The following TMTC2 variants were observed in gnomAD, a reference collection of about 807,000 sequenced individuals.
The protein encoded by TMTC2 is protein O-mannosyl-transferase TMTC2.
Under a neutral mutation model 82.4 loss-of-function variants are expected in TMTC2, and 43 were observed. The ratio of observed to expected loss-of-function variants is 0.52; its 90% CI spans 0.41 to 0.67. The LOEUF is 0.67. Ranked by LOEUF, TMTC2 falls within the 30% of genes least tolerant of loss-of-function variation. The pLI is 0.00. For synonymous variants in TMTC2, 408 were observed against 381.9 expected (o/e 1.07, Z -0.80); for missense variants, 919 against 1,012.4 (o/e 0.91, Z 1.25).
intron 1 of TMTC2, among the ~76,000 whole-genome samples, chr12:82,807,438 C>G (rs1879297702): frequency 6.6e-6 from 1 of 152,050 alleles, no homozygotes; most frequent in African/African-American, 2.4e-5. Flanking sequence ...TTTTCATATC[C>G]TGTGTGAGTG....
intron 1 of TMTC2, among the ~76,000 whole-genome samples, chr12:82,765,848 A>G (rs1876929597): frequency 6.6e-6 from 1 of 152,196 alleles, no homozygotes; most frequent in Admixed American, 6.5e-5. Flanking sequence ...TATGTATTAA[A>G]AGATAATACT....
intron 1 of TMTC2, among the ~76,000 whole-genome samples, chr12:82,725,736 G>A (rs911061241): frequency 1.3e-5 from 2 of 152,176 alleles, no homozygotes; most frequent in East Asian, 3.9e-4. Flanking sequence ...ACATGGGACA[G>A]TTCGAAACCA....
At chr12:83,006,130 A>C (rs911498345) in intron 8 of TMTC2, among the ~76,000 whole-genome samples, 3 of 152,118 alleles carry the variant, frequency 2.0e-5, no homozygotes, top group African/African-American at 4.8e-5. Context: ...GTTTCTCTAC[A>C]GGTTCCTCAC....
In TMTC2 at chr12:83,132,440, A is replaced by G. The variant is rs1160718409; in HGVS notation, c.*51A>G. Reference sequence around the variant, plus strand: ...TCCATTTTTAAAAGCTGGCTTCCTTAGCAGACAGAACTTCCCAGCAGTGCT... The same window carrying G: ...TCCATTTTTAAAAGCTGGCTTCCTTGGCAGACAGAACTTCCCAGCAGTGCT... On this transcript the variant is annotated 3_prime_UTR_variant, in exon 12 of 12. Coordinates refer to ENST00000321196, the MANE Select transcript of TMTC2 (RefSeq NM_152588.3). 2 of 1,600,364 alleles carry G rather than the reference A, an allele frequency of 1.2e-6. No individual in the cohort carries two copies. The highest frequency in any genetic ancestry group is 4.0e-4 in the Middle Eastern group (2 of 5,046).
chr12:82,831,419 C>T (rs1869739888), intron 1 of TMTC2, among the ~76,000 whole-genome samples: 1 of 152,166 alleles, frequency 6.6e-6, no homozygotes, highest in Non-Finnish European at 1.5e-5. Context: ...CAAAAGAGTA[C>T]ATTATGTCTC....
chr12:82,872,216 G>A (rs1219522556), intron 2 of TMTC2, among the ~76,000 whole-genome samples: 1 of 152,134 alleles, frequency 6.6e-6, no homozygotes, highest in Non-Finnish European at 1.5e-5. Flanking sequence ...AGGGAAATGG[G>A]CATTGAGATC....
At chr12:82,730,130 A>G (rs886654028) in intron 1 of TMTC2, among the ~76,000 whole-genome samples, 3 of 151,998 alleles carry the variant, frequency 2.0e-5, no homozygotes, top group Non-Finnish European at 4.4e-5. Flanking sequence ...GAAGTCAGTG[A>G]GACCAAGAAC....
chr12:82,785,071 T>C (rs965419160), intron 1 of TMTC2, among the ~76,000 whole-genome samples: 1 of 152,120 alleles, frequency 6.6e-6, no homozygotes, highest in Non-Finnish European at 1.5e-5. Context: ...TTTTTGCTTC[T>C]CTTAAAGATG....
At chr12:83,050,220 CT>C (rs1471672793) in intron 9 of TMTC2, among the ~76,000 whole-genome samples, 1 of 152,088 alleles carries the variant, frequency 6.6e-6, no homozygotes, top group African/African-American at 2.4e-5. Context: ...ACTGTTCAAT[CT>C]CAATTAAAAA....
intron 8 of TMTC2, among the ~76,000 whole-genome samples, chr12:82,990,051 T>C (rs1365454831): frequency 6.6e-6 from 1 of 152,144 alleles, no homozygotes; most frequent in African/African-American, 2.4e-5. Flanking sequence ...CCCACTGGCT[T>C]AACATAGAAT....
intron 9 of TMTC2, among the ~76,000 whole-genome samples, chr12:83,036,714 A>G (rs889767181): frequency 6.6e-6 from 1 of 152,048 alleles, no homozygotes; most frequent in Non-Finnish European, 1.5e-5. Flanking sequence ...GTCCTAGTCC[A>G]TTTTGTGTTG....
intron 1 of TMTC2, among the ~76,000 whole-genome samples, chr12:82,718,464 G>A (rs982359377): frequency 2.0e-5 from 3 of 152,174 alleles, no homozygotes; most frequent in African/African-American, 7.2e-5. Context: ...AGCTGCAGAA[G>A]CCCAGAACAT....
intron 9 of TMTC2, among the ~76,000 whole-genome samples, chr12:83,045,707 T>TCTCACACACACACACA (rs1555208196): frequency 8.1e-6 from 1 of 122,706 alleles, no homozygotes; most frequent in Non-Finnish European, 1.7e-5. Flanking sequence ...AAGGGCTCCT[T>TCTCACACACACACACA]CACACACACA....
intron 11 of TMTC2, among the ~76,000 whole-genome samples, chr12:83,123,329 T>G (rs2137564207): frequency 6.6e-6 from 1 of 152,366 alleles, no homozygotes; most frequent in Admixed American, 6.5e-5. Flanking sequence ...GCACAAATAC[T>G]GTGTTGAAAC....
At chr12:82,757,477 T>A (rs1876402107) in intron 1 of TMTC2, among the ~76,000 whole-genome samples, 1 of 152,208 alleles carries the variant, frequency 6.6e-6, no homozygotes, top group Non-Finnish European at 1.5e-5. Flanking sequence ...TTCCTCTTGG[T>A]GAGTTCATTG....
At chr12:82,840,547 G>T (rs931898000) in intron 1 of TMTC2, among the ~76,000 whole-genome samples, 1 of 152,178 alleles carries the variant, frequency 6.6e-6, no homozygotes, top group Non-Finnish European at 1.5e-5. Flanking sequence ...ATTGGCAGTG[G>T]CCAGGGTGAC....
intron 8 of TMTC2, among the ~76,000 whole-genome samples, chr12:82,990,782 G>T (rs758045440): frequency 2.6e-5 from 4 of 152,040 alleles, no homozygotes; most frequent in Admixed American, 6.6e-5. Flanking sequence ...AAGGGCTGGG[G>T]ACATGGCTTT....
chr12:82,929,290 C>G (rs1460429604), intron 3 of TMTC2, among the ~76,000 whole-genome samples: 1 of 151,996 alleles, frequency 6.6e-6, no homozygotes, highest in Non-Finnish European at 1.5e-5. Context: ...CTCTTGAGCT[C>G]AAACAGTCCA....
chr12:82,752,464 C>T lies in TMTC2; in HGVS notation c.83+64795C>T, dbSNP rs560326181. ...TCATGCCATTGCACTCCAGCCTGGG[C>T]GACAGAGCGAGACTCCATCTCAAAA... is the stretch of plus-strand genomic sequence containing the variant. On this transcript the variant is annotated intron_variant, in intron 1 of 11. Transcript: ENST00000321196. Among the ~76,000 whole-genome samples, 5 of 152,060 alleles carry T rather than the reference C, an allele frequency of 3.3e-5. No individual in the cohort carries two copies. In the South Asian group the frequency reaches 6.2e-4, roughly 19 times the overall value.
Sources: allele counts gnomAD v4.1 joint callset (sites outside exome capture counted in the v4.1 genomes callset), GRCh38; gene constraint gnomAD v4.1.1; transcripts MANE v1.5; gene names NCBI Gene and HGNC (gene_info 2026-07-23, HGNC 2026-07-21).